Variants in ESF1 observed in about 807,000 individuals in gnomAD.
The protein encoded by ESF1 is ESF1 nucleolar pre-rRNA processing protein.
A neutral mutation model predicts 92.0 loss-of-function variants in ESF1; 58 were observed. That is an observed-to-expected ratio of 0.63 (90% CI 0.51 to 0.78). The LOEUF is 0.78. ESF1 is among the 30% of genes least tolerant of loss of function. ESF1 has a pLI of 0.00. For missense variants in ESF1, 922 were observed against 989.1 expected (o/e 0.93, Z 0.91); for synonymous variants, 321 against 313.7 (o/e 1.02, Z -0.24).
At chr20:13,741,099 C>T (rs1354382665) in intron 9 of ESF1, among the ~76,000 whole-genome samples, 1 of 152,144 alleles carries the variant, frequency 6.6e-6, no homozygotes, top group Non-Finnish European at 1.5e-5. Context: ...AGCCCCTAAT[C>T]ATCTTGTCCC....
intron 9 of ESF1, among the ~76,000 whole-genome samples, chr20:13,744,108 C>T (rs1463720831): frequency 6.6e-6 from 1 of 152,170 alleles, no homozygotes; most frequent in Non-Finnish European, 1.5e-5. Context: ...TAAAAAGAGG[C>T]CCATGCCGGA....
intron 9 of ESF1, among the ~76,000 whole-genome samples, chr20:13,750,618 C>A (rs1978589130): frequency 6.6e-6 from 1 of 152,200 alleles, no homozygotes; most frequent in South Asian, 2.1e-4. Flanking sequence ...ATAATTTTAT[C>A]AGTATTTCTG....
intron 9 of ESF1, among the ~76,000 whole-genome samples, chr20:13,748,479 C>CATATACACATATATATACAT (rs1325294455): frequency 2.3e-5 from 2 of 87,746 alleles, no homozygotes; most frequent in Admixed American, 2.4e-4. Flanking sequence ...CATATATACA[C>CATATACACATATATATACAT]ATATACACAT....
At chr20:13,759,882 C>T (rs904188613) in intron 8 of ESF1, 29 bp from the exon 9 acceptor site, 1 of 1,563,024 alleles carries the variant, frequency 6.4e-7, no homozygotes, top group Admixed American at 2.1e-5. Context: ...ACTTAATACA[C>T]AGAAACAATT....
chr20:13,737,827 CT>C (rs2049985057), intron 9 of ESF1, among the ~76,000 whole-genome samples: 1 of 151,474 alleles, frequency 6.6e-6, no homozygotes, highest in Admixed American at 6.6e-5. Context: ...CTAATTTTTT[CT>C]GTATTTTTAG....
chr20:13,764,742 T>C (rs763045694), intron 8 of ESF1, among the ~76,000 whole-genome samples: 30 of 152,188 alleles, frequency 2.0e-4, no homozygotes, highest in Non-Finnish European at 2.8e-4. Context: ...TCCATCCTCA[T>C]TGTCATCATC....
chr20:13,779,243 T>C (rs1282449957), intron 2 of ESF1, among the ~76,000 whole-genome samples: 3 of 152,078 alleles, frequency 2.0e-5, no homozygotes, highest in Non-Finnish European at 4.4e-5. Context: ...AAAACTGCTT[T>C]ACCATTTTCC....
At chr20:13,770,974 C>T (rs1979656380) in intron 6 of ESF1, among the ~76,000 whole-genome samples, 1 of 152,148 alleles carries the variant, frequency 6.6e-6, no homozygotes, top group Admixed American at 6.5e-5. Context: ...CTAGAGATAA[C>T]AATCTGTTTT....
chr20:13,770,835 G>A (rs543803980), intron 6 of ESF1, among the ~76,000 whole-genome samples: 90 of 152,306 alleles, frequency 5.9e-4, no homozygotes, highest in South Asian at 1.7e-3. Context: ...TCTGTGACAA[G>A]GGCAATGTTC....
intron 9 of ESF1, among the ~76,000 whole-genome samples, chr20:13,753,962 GT>G (rs774919327): frequency 3.7e-4 from 56 of 152,154 alleles, no homozygotes; most frequent in Non-Finnish European, 6.3e-4. Context: ...AATTCCCTTG[GT>G]GTGAAAGTGG....
At chr20:13,717,137 CA>C (rs1172775343) in intron 13 of ESF1, among the ~76,000 whole-genome samples, 1 of 151,510 alleles carries the variant, frequency 6.6e-6, no homozygotes, top group East Asian at 2.0e-4. Flanking sequence ...TTTTATTTTT[CA>C]TAGAGATGAG....
At chr20:13,728,329 C>T (rs1250669678) in intron 11 of ESF1, 49 bp downstream of exon 11, 2 of 1,425,882 alleles carry the variant, frequency 1.4e-6, no homozygotes, top group East Asian at 2.3e-5. Context: ...ATGTACCTCA[C>T]CTTTTTCTTT....
chr20:13,749,232 A>ATTTTTTTTTTTTTTTTTT (rs71188184), intron 9 of ESF1, among the ~76,000 whole-genome samples: 1 of 89,664 alleles, frequency 1.1e-5, no homozygotes, highest in Non-Finnish European at 2.1e-5. Flanking sequence ...TGCCCGGCTA[A>ATTTTTTTTTTTTTTTTTT]TTTTTTTTTT....
intron 9 of ESF1, among the ~76,000 whole-genome samples, chr20:13,748,749 C>G (rs1978453153): frequency 6.6e-6 from 1 of 151,202 alleles, no homozygotes; most frequent in African/African-American, 2.4e-5. Context: ...ACTAGGCCGG[C>G]TAATTTTTTT....
intron 12 of ESF1, 42 bp downstream of exon 12, chr20:13,718,866 T>C: frequency 4.8e-6 from 7 of 1,443,860 alleles, no homozygotes; most frequent in East Asian, 2.4e-5. Context: ...AAATTGTACC[T>C]ATGAATTATC....
intron 2 of ESF1, among the ~76,000 whole-genome samples, chr20:13,781,172 T>C (rs567557031): frequency 2.2e-4 from 34 of 152,348 alleles, no homozygotes; most frequent in African/African-American, 7.7e-4. Context: ...GTTCTGACTT[T>C]CTTCTACTTT....
At chr20:13,780,923 T>C (rs1487141945) in intron 2 of ESF1, among the ~76,000 whole-genome samples, 6 of 152,244 alleles carry the variant, frequency 3.9e-5, no homozygotes, top group Admixed American at 3.9e-4. Flanking sequence ...GACCTTATTA[T>C]CTAATCAAAC....
In ESF1 at chr20:13,776,258, A is replaced by G. The variant is rs745702355; in HGVS notation, c.650T>C (p.Ile217Thr). Residue 217 changes from isoleucine to threonine, a missense_variant, in exon 3 of 14, where the codon ATA (isoleucine) becomes ACA (threonine). By Grantham distance (89) the Ile-to-Thr change is moderately conservative. Transcript: ENST00000617257. ...ATAACCATCACTGTCTCTTGTCATT[A>G]TGAGTTGAACCACTGCAAAATGTTA... ...RREMQSVVQLIMTRDSDGYEN... is the reference protein window; with the variant it reads ...RREMQSVVQLTMTRDSDGYEN... 87 of 1,611,916 alleles carry G rather than the reference A, an allele frequency of 5.4e-5. No homozygotes were observed. Among genetic ancestry groups the G allele is most frequent in the Non-Finnish European group, 7.3e-5 (86 of 1,179,196 alleles).
At chr20:13,764,677 AG>A (rs1197479987) in intron 8 of ESF1, among the ~76,000 whole-genome samples, 1 of 152,164 alleles carries the variant, frequency 6.6e-6, no homozygotes, top group Non-Finnish European at 1.5e-5. Flanking sequence ...GAAAATCACA[AG>A]GAAGATAAAT....
Sources: allele counts gnomAD v4.1 joint callset (sites outside exome capture counted in the v4.1 genomes callset), GRCh38; gene constraint gnomAD v4.1.1; transcripts MANE v1.5; gene names NCBI Gene and HGNC (gene_info 2026-07-23, HGNC 2026-07-21).